Variants in GPATCH8 observed in about 807,000 individuals in gnomAD.
The protein encoded by GPATCH8 is G patch domain-containing protein 8.
GPATCH8 carries 18 observed loss-of-function variants against 118.3 expected under a neutral mutation model. The observed-to-expected ratio is 0.15, with a 90% CI of 0.11 to 0.23. GPATCH8 has a LOEUF of 0.23. Ranked by LOEUF, GPATCH8 falls within the 10% of genes least tolerant of loss-of-function variation. GPATCH8 has a pLI of 1.00. For missense variants in GPATCH8, 1,631 were observed against 1,873.8 expected, an observed-to-expected ratio of 0.87 and a Z score of 2.39; for synonymous variants, 659 against 684.7, an observed-to-expected ratio of 0.96 and a Z score of 0.59.
In GPATCH8 at chr17:44,401,337, C is replaced by T. The variant is rs766494857; in HGVS notation, c.740G>A (p.Cys247Tyr). ...TNSGTGATASCGLGSEFSTDK... is the reference protein window; with the variant it reads ...TNSGTGATASYGLGSEFSTDK... ...TGTGGAGAATTCAGATCCCAGGCCA[C>T]AAGAAGCAGTGGCACCTGTGCCACT... Residue 247 changes from cysteine to tyrosine, a missense_variant, in exon 8 of 8, where the codon TGT becomes TAT. Cys to Tyr is a radical substitution (Grantham distance 194). This residue lies in a region of GPATCH8 where 405 missense variants were observed against 462.7 expected (regional missense o/e 0.88). Transcript: ENST00000591680. The T allele has an allele frequency of 1.9e-5, 31 of 1,611,032 alleles. No individual in the cohort carries two copies. Among genetic ancestry groups the T allele is most frequent in the Non-Finnish European group, 2.6e-5 (31 of 1,178,510 alleles).
At chr17:44,424,273 G>T (rs1171818851) in intron 6 of GPATCH8, 76 bp downstream of exon 6, 2 of 989,306 alleles carry the variant, frequency 2.0e-6, no homozygotes, top group Admixed American at 1.7e-5. Context: ...CAAGTTTTGG[G>T]GGGTATACTC....
chr17:44,482,687 C>T (rs1014292926), intron 1 of GPATCH8, among the ~76,000 whole-genome samples: 3 of 151,204 alleles, frequency 2.0e-5, no homozygotes, highest in African/African-American at 7.3e-5. Context: ...GCACATGTAT[C>T]CCAGAACTTA....
At chr17:44,412,367 G>C (rs2049474546) in intron 6 of GPATCH8, among the ~76,000 whole-genome samples, 2 of 152,140 alleles carry the variant, frequency 1.3e-5, no homozygotes, top group African/African-American at 4.8e-5. Flanking sequence ...GGGAAACAGA[G>C]CAAGAACCTT....
chr17:44,469,680 A>G (rs1298381399), intron 2 of GPATCH8, among the ~76,000 whole-genome samples: 1 of 152,216 alleles, frequency 6.6e-6, no homozygotes, highest in Non-Finnish European at 1.5e-5. Context: ...TATAAGCAAG[A>G]ACCAATGCTA....
At chr17:44,498,726 T>C (rs780191951) in intron 1 of GPATCH8, among the ~76,000 whole-genome samples, 4 of 152,216 alleles carry the variant, frequency 2.6e-5, no homozygotes, top group Non-Finnish European at 5.9e-5. Flanking sequence ...CAAACTGACA[T>C]TAATTTTCAC....
At chr17:44,422,724 C>T (rs567728808) in intron 6 of GPATCH8, among the ~76,000 whole-genome samples, 4 of 151,656 alleles carry the variant, frequency 2.6e-5, no homozygotes, top group Admixed American at 6.6e-5. Context: ...GTGATCCGCC[C>T]GCCTCGGCCT....
At chr17:44,418,372 G>A (rs1163862161) in intron 6 of GPATCH8, among the ~76,000 whole-genome samples, 1 of 152,016 alleles carries the variant, frequency 6.6e-6, no homozygotes, top group Non-Finnish European at 1.5e-5. Flanking sequence ...AGGCAAGGAC[G>A]TAGGGATAGA....
At chr17:44,465,567 T>C (rs1251922386) in intron 2 of GPATCH8, 1 of 152,192 alleles carries the variant, frequency 6.6e-6, no homozygotes, top group East Asian at 1.9e-4. Context: ...ATGATCATAT[T>C]CACCCAATGG....
At position 44,445,875 on chromosome 17, in the gene GPATCH8, C is replaced by T. The variant is rs561073803; in HGVS notation, c.194-9330G>A. The stretch of plus-strand genomic sequence containing the variant: ...ACTTGTAAAGAGTGGCAACATGAAA[C>T]TCAGGGGATCTGAATTACAGTTCTG... On this transcript the variant is annotated intron_variant, in intron 3 of 7. Transcript: ENST00000591680. 4 of 152,258 alleles carry T rather than the reference C, an allele frequency of 2.6e-5. No homozygotes were observed. The South Asian group carries it at 8.3e-4, about 32-fold the overall frequency. The allele number at this position is 152,258 out of a possible 1,614,324, so 9.4% of individuals were successfully genotyped here. A position where few individuals can be genotyped will look rare whatever the true frequency, so the allele number is the denominator to read the frequency against.
intron 2 of GPATCH8, among the ~76,000 whole-genome samples, chr17:44,469,992 C>T (rs1967141922): frequency 6.6e-6 from 1 of 152,204 alleles, no homozygotes. Context: ...GCAAACTAAA[C>T]ATCAGCAACT....
intron 7 of GPATCH8, among the ~76,000 whole-genome samples, chr17:44,404,906 T>C (rs1006926661): frequency 1.3e-5 from 2 of 152,028 alleles, no homozygotes; most frequent in African/African-American, 4.8e-5. Flanking sequence ...CAGAGGATAC[T>C]AGAAGCTGGG....
chr17:44,401,336 A>G lies in GPATCH8; in HGVS notation c.741T>C (p.Cys247=), dbSNP rs756581219. 6.2e-7 allele frequency: 1 copy of G among 1,610,970 alleles called. No individual in the cohort carries two copies. The highest frequency in any genetic ancestry group is 8.5e-7 in the Non-Finnish European group (1 of 1,178,286). ...CTGTGGAGAATTCAGATCCCAGGCC[A>G]CAAGAAGCAGTGGCACCTGTGCCAC... ...TNSGTGATAS[C]GLGSEFSTDK... The change falls in exon 8 of 8, where the codon TGT becomes TGC. Residue 247 remains cysteine (C), a synonymous_variant. Coordinates refer to ENST00000591680, the MANE Select transcript of GPATCH8 (RefSeq NM_001002909.4).
intron 1 of GPATCH8, among the ~76,000 whole-genome samples, chr17:44,502,114 T>G (rs1227963514): frequency 6.6e-6 from 1 of 152,184 alleles, no homozygotes; most frequent in East Asian, 1.9e-4. Flanking sequence ...GCTGCAAAAC[T>G]TCTCATAAGC....
Position 44,488,223 on chromosome 17 carries a change from CTTT to C in GPATCH8, c.46-13323_46-13321del, listed in dbSNP as rs927607960. On this transcript the variant is annotated intron_variant, in intron 1 of 7. Transcript: ENST00000591680. Reference sequence around the variant, plus strand: ...CAGGCATGAGCCACCGTGCCTGACCCTTTTTTTTTTTTTTTTTTTTTAAGACAG... The same window carrying C: ...CAGGCATGAGCCACCGTGCCTGACCCTTTTTTTTTTTTTTTTTTAAGACAG... Among the ~76,000 whole-genome samples, 6 of 101,362 alleles carry C rather than the reference CTTT, an allele frequency of 5.9e-5. No individual in the cohort carries two copies. In the South Asian group the frequency reaches 1.4e-3, roughly 23 times the overall value. 66.5% of individuals were successfully genotyped at this position (101,362 alleles called of 152,430 possible).
In GPATCH8 at chr17:44,493,040, T is replaced by C. The variant is rs962694838; in HGVS notation, c.45+10286A>G. ...GGTTTATAACCAATTAAACCAATGG[T>C]GGTAAGCCATTAGGTTTTTTTTTTT... On this transcript the variant is annotated intron_variant, in intron 1 of 7. Coordinates refer to ENST00000591680, the MANE Select transcript of GPATCH8 (RefSeq NM_001002909.4). Among the ~76,000 whole-genome samples, 4 of 140,982 alleles carry C rather than the reference T, an allele frequency of 2.8e-5. No individual in the cohort carries two copies. The East Asian group carries it at 6.2e-4, about 22-fold the overall frequency. 92.5% of individuals were successfully genotyped at this position (140,982 alleles called of 152,430 possible). A position where few individuals can be genotyped will look rare whatever the true frequency, so the allele number is the denominator to read the frequency against.
intron 3 of GPATCH8, among the ~76,000 whole-genome samples, chr17:44,453,792 A>C (rs964606917): frequency 3.3e-5 from 5 of 151,928 alleles, no homozygotes; most frequent in Non-Finnish European, 7.4e-5. Context: ...TCAGCCTCCC[A>C]AAGTGTTGGG....
At chr17:44,485,227 C>T (rs1167975529) in intron 1 of GPATCH8, among the ~76,000 whole-genome samples, 1 of 152,118 alleles carries the variant, frequency 6.6e-6, no homozygotes, top group Non-Finnish European at 1.5e-5. Context: ...CTTCAGCCCC[C>T]CAAGTGGCTG....
At chr17:44,406,580 C>A (rs2049241437) in intron 6 of GPATCH8, among the ~76,000 whole-genome samples, 1 of 143,582 alleles carries the variant, frequency 7.0e-6, no homozygotes, top group African/African-American at 2.6e-5. Flanking sequence ...TTTCTTTCAG[C>A]ATGAGTAGAG....
In GPATCH8 at chr17:44,401,335, C is replaced by G; in HGVS notation, c.742G>C (p.Gly248Arg). ...NSGTGATASC[G>R]LGSEFSTDKG... ...TCTGTGGAGAATTCAGATCCCAGGC[C>G]ACAAGAAGCAGTGGCACCTGTGCCA... Residue 248 changes from glycine to arginine, a missense_variant, in exon 8 of 8, where the codon GGC (glycine) becomes CGC (arginine). Physicochemically the swap from Gly to Arg is moderately radical, Grantham distance 125. Coordinates refer to ENST00000591680, the MANE Select transcript of GPATCH8 (RefSeq NM_001002909.4). The G allele has an allele frequency of 6.2e-7, 1 of 1,610,682 alleles. No homozygotes were observed. The highest frequency in any genetic ancestry group is 8.5e-7 in the Non-Finnish European group (1 of 1,178,180).
Sources: allele counts gnomAD v4.1 joint callset (sites outside exome capture counted in the v4.1 genomes callset), GRCh38; gene constraint gnomAD v4.1.1; regional missense constraint gnomAD v4.1.1; transcripts MANE v1.5; gene names NCBI Gene and HGNC (gene_info 2026-07-23, HGNC 2026-07-21).